The following YIF1B variants were observed in gnomAD, a reference collection of about 807,000 sequenced individuals.
YIF1B encodes the protein protein YIF1B.
Under a neutral mutation model 34.6 loss-of-function variants are expected in YIF1B, and 24 were observed. That is an observed-to-expected ratio of 0.69 (90% CI 0.50 to 0.98). The LOEUF is 0.98. Among genes scored for constraint, YIF1B ranks in the 50% least tolerant of loss-of-function variants. The probability of loss-of-function intolerance (pLI) is 0.00; values close to 1 mark genes in which losing one functional copy is unlikely to be tolerated. For synonymous variants in YIF1B, 186 were observed against 184.8 expected (o/e 1.01, Z -0.05); for missense variants, 368 against 429.4 (o/e 0.86, Z 1.26).
chr19:38,316,006 A>G, upstream of YIF1B: 6 of 1,352,708 alleles, frequency 4.4e-6, no homozygotes, highest in Non-Finnish European at 5.7e-6. Flanking sequence ...CAGCCAATGG[A>G]CGTCAGGATT....
chr19:38,319,791 C>T (rs951093439), upstream of YIF1B: 1 of 741,700 alleles, frequency 1.3e-6, no homozygotes, highest in East Asian at 3.4e-5. Flanking sequence ...CGGGGCATTC[C>T]TCCGTCGCCG....
upstream of YIF1B, among the ~76,000 whole-genome samples, chr19:38,320,825 C>T (rs1406799790): frequency 6.6e-6 from 1 of 152,156 alleles, no homozygotes; most frequent in Non-Finnish European, 1.5e-5. Flanking sequence ...TCCCAAATTG[C>T]TGGCATTACA....
upstream of YIF1B, chr19:38,320,175 C>A (rs769555519): frequency 1.5e-5 from 24 of 1,598,956 alleles, no homozygotes; most frequent in African/African-American, 2.5e-4. Flanking sequence ...TGGGGCGGGT[C>A]GTGCTTGCTA....
At chr19:38,320,659 A>G (rs1324044766), upstream of YIF1B, among the ~76,000 whole-genome samples, 1 of 151,884 alleles carries the variant, frequency 6.6e-6, no homozygotes, top group Non-Finnish European at 1.5e-5. Context: ...CCCGGTTTCA[A>G]GCTATTCTCC....
At position 38,305,036 on chromosome 19, in the gene YIF1B, G is replaced by GCCCGTCCCCAGCTCCCTGC. The variant is rs1452878194; in HGVS notation, c.*297_*315dup. ...ACTGGTCAGCGTGGTGCCTACTCTG[G>GCCCGTCCCCAGCTCCCTGC]CCCGTCCCCAGCTCCCTGCCCCCTG... On this transcript the variant is annotated 3_prime_UTR_variant, in exon 8 of 8. Coordinates refer to ENST00000339413, the MANE Select transcript of YIF1B (RefSeq NM_001039672.3). 1.9e-6 allele frequency: 3 copies of GCCCGTCCCCAGCTCCCTGC among 1,545,080 alleles called. No homozygotes were observed. The highest frequency in any genetic ancestry group is 4.0e-5 in the Admixed American group (2 of 50,350).
intron 7 of YIF1B, 108 bp from the exon 8 acceptor site, chr19:38,305,615 T>C: frequency 7.1e-7 from 1 of 1,412,262 alleles, no homozygotes; most frequent in Non-Finnish European, 9.4e-7. Flanking sequence ...CCCAGGCAGC[T>C]GGGGACAAGT....
chr19:38,320,238 T>C (rs756105592), upstream of YIF1B: 10 of 1,605,942 alleles, frequency 6.2e-6, no homozygotes, highest in Admixed American at 3.3e-5. Context: ...TCGCCTCTGC[T>C]CTCTTCTTCG....
At chr19:38,308,642 CAGTGACCCTG>C (rs1399929870) in intron 5 of YIF1B, 140 bp downstream of exon 5, 1 of 889,470 alleles carries the variant, frequency 1.1e-6, no homozygotes, top group Admixed American at 1.8e-5. Flanking sequence ...GTGATGCTGA[CAGTGACCCTG>C]AGGGCTGTAT....
intron 1 of YIF1B, chr19:38,309,984 C>CCATT (rs2146305725): frequency 2.2e-6 from 1 of 462,146 alleles, no homozygotes; most frequent in East Asian, 5.4e-5. Context: ...ATTCATCCAT[C>CCATT]CATCCATCCA....
Position 38,304,061 on chromosome 19 carries a change from C to T in YIF1B, c.*1291G>A. ...AGGCACCAAGGCTGGCGGAAGCAGT[C>T]ACCTGTCCATCTCCCCCACTTCTCA... is the stretch of plus-strand genomic sequence containing the variant. On this transcript the variant is annotated 3_prime_UTR_variant, in exon 8 of 8. Coordinates refer to ENST00000339413, the MANE Select transcript of YIF1B (RefSeq NM_001039672.3). 1.5e-6 allele frequency: 1 copy of T among 666,236 alleles called. No individual in the cohort carries two copies. The highest frequency in any genetic ancestry group is 2.5e-6 in the Non-Finnish European group (1 of 397,734). The allele number at this position is 666,236 out of a possible 1,614,324, so 41.3% of individuals were successfully genotyped here.
chr19:38,305,055 C>T lies in YIF1B; in HGVS notation c.*297G>A. The T allele has an allele frequency of 6.5e-7, 1 of 1,534,352 alleles. No individual in the cohort carries two copies. The highest frequency in any genetic ancestry group is 1.2e-5 in the South Asian group (1 of 81,978). The stretch of plus-strand genomic sequence containing the variant: ...ACTCTGGCCCGTCCCCAGCTCCCTG[C>T]CCCCTGCCCAGCGCTGGGCCCGCCC... On this transcript the variant is annotated 3_prime_UTR_variant, in exon 8 of 8. Transcript: ENST00000339413.
intron 7 of YIF1B, among the ~76,000 whole-genome samples, chr19:38,305,773 G>A (rs192023406): frequency 6.6e-6 from 1 of 152,234 alleles, no homozygotes; most frequent in Admixed American, 6.5e-5. Flanking sequence ...GTCTTGGAGC[G>A]GGTGAAGGGG....
In YIF1B at chr19:38,304,831, C is replaced by A; in HGVS notation, c.*521G>T. ...ACCATCTCTTCTCTCCCATCCCTGC[C>A]CTCGGCCCCACAGTCCCACGCTGCT... On this transcript the variant is annotated 3_prime_UTR_variant, in exon 8 of 8. Transcript: ENST00000339413. The A allele has an allele frequency of 6.2e-7, 1 of 1,613,690 alleles. No homozygotes were observed. The highest frequency in any genetic ancestry group is 8.5e-7 in the Non-Finnish European group (1 of 1,179,980).
At chr19:38,319,639 G>A (rs529287742), upstream of YIF1B, among the ~76,000 whole-genome samples, 1 of 152,302 alleles carries the variant, frequency 6.6e-6, no homozygotes, top group African/African-American at 2.4e-5. Flanking sequence ...AGCCTTCCAG[G>A]AGGACGAGAA....
chr19:38,305,159 C>G lies in YIF1B; in HGVS notation c.*193G>C. On this transcript the variant is annotated 3_prime_UTR_variant, in exon 8 of 8. Transcript: ENST00000339413. ...TTGTTTCTGTAACAGCGGCCACGCC[C>G]TGGGGCGGTGGCCTGTGCAGCTGGA... 2 of 1,391,018 alleles carry G rather than the reference C, an allele frequency of 1.4e-6. No individual in the cohort carries two copies. Among genetic ancestry groups the G allele is most frequent in the Non-Finnish European group, 1.9e-6 (2 of 1,046,912 alleles). 86.2% of individuals were successfully genotyped at this position (1,391,018 alleles called of 1,614,324 possible). A position where few individuals can be genotyped will look rare whatever the true frequency, so the allele number is the denominator to read the frequency against.
chr19:38,306,928 G>A (rs780370995), intron 7 of YIF1B: 12 of 468,194 alleles, frequency 2.6e-5, no homozygotes, highest in South Asian at 1.2e-4. Context: ...TGATCCGACC[G>A]CCTCGGCCTC....
intron 1 of YIF1B, among the ~76,000 whole-genome samples, chr19:38,311,678 G>A (rs1969331503): frequency 6.6e-6 from 1 of 152,214 alleles, no homozygotes; most frequent in South Asian, 2.1e-4. Context: ...GGCTGCTGGG[G>A]TGATCCAGGT....
chr19:38,309,028 G>A lies in YIF1B; in HGVS notation c.432C>T (p.Thr144=), dbSNP rs914640456. 9 of 1,561,734 alleles carry A rather than the reference G, an allele frequency of 5.8e-6. No homozygotes were observed. Among genetic ancestry groups the A allele is most frequent in the Admixed American group, 5.6e-5 (3 of 53,134 alleles). ...QDWEVQYQQD[T]PVAPRFDVNA... is the part of the protein sequence containing the mutation. ...TGACGTCAAAGCGGGGGGCCACCGG[G>A]GTGTCCTGTTGGTACTGCACTTCCC... Residue 144 remains threonine (T), a synonymous_variant, in exon 4 of 8, where the codon ACC becomes ACT. Coordinates refer to ENST00000339413, the MANE Select transcript of YIF1B (RefSeq NM_001039672.3).
chr19:38,316,003 T>A, upstream of YIF1B: 1 of 1,359,664 alleles, frequency 7.4e-7, no homozygotes, highest in East Asian at 3.1e-5. Flanking sequence ...AGACAGCCAA[T>A]GGACGTCAGG....
Sources: gnomAD v4.1 joint callset for allele counts (sites outside exome capture counted in the v4.1 genomes callset) on GRCh38, gnomAD v4.1.1 for gene constraint, MANE v1.5 for transcripts, NCBI Gene and HGNC (gene_info 2026-07-23, HGNC 2026-07-21) for gene names.